LRIF1: variants seen among roughly 807,000 people sequenced by gnomAD.
LRIF1 encodes the protein ligand-dependent nuclear receptor-interacting factor 1.
A neutral mutation model predicts 52.7 loss-of-function variants in LRIF1; 32 were observed. That is an observed-to-expected ratio of 0.61 (90% CI 0.46 to 0.82). LRIF1 has a LOEUF of 0.82. Ranked by LOEUF, LRIF1 falls within the 40% of genes least tolerant of loss-of-function variation. LRIF1 has a pLI of 0.00. For synonymous variants in LRIF1, 323 were observed against 317.4 expected (o/e 1.02, Z -0.19); for missense variants, 887 against 892.0 (o/e 0.99, Z 0.07).
intron 3 of LRIF1, 28 bp downstream of exon 3, chr1:110,949,823 G>T: frequency 1.9e-6 from 3 of 1,600,336 alleles, no homozygotes; most frequent in Non-Finnish European, 2.6e-6. Flanking sequence ...TAGTACCTAT[G>T]AAGAGCACAT....
chr1:110,929,423 T>C, the LRIF1 span, among the ~76,000 whole-genome samples: 15 of 152,272 alleles, frequency 9.9e-5, no homozygotes, highest in African/African-American at 3.6e-4. Context: ...CTCACCAGCA[T>C]CTGTTATTTT....
the LRIF1 span, chr1:110,892,398 C>A: frequency 1.2e-6 from 2 of 1,614,022 alleles, no homozygotes; most frequent in South Asian, 2.2e-5. Flanking sequence ...TCCACAACAA[C>A]TTCGGAGTGC....
intron 3 of LRIF1, among the ~76,000 whole-genome samples, chr1:110,949,398 G>A (rs1052630574): frequency 1.5e-4 from 22 of 144,948 alleles, no homozygotes; most frequent in African/African-American, 5.4e-4. Flanking sequence ...GATTACAGGC[G>A]TGAGCCACTG....
rs1186677573 is a variant in LRIF1, at chr1:110,952,579, C to G, written c.305G>C (p.Ser102Thr). The part of the protein sequence containing the change: ...SVQLPIFQPA[S>T]SSNYFLTRTV... ...TCTTGTAAGAAAATAGTTTGAAGAA[C>G]TGGCTGGCTGAAAAATGGGCAATTG... Residue 102 changes from serine (S) to threonine (T), a missense_variant, in exon 2 of 4, where the codon AGT becomes ACT. Physicochemically the swap from Ser to Thr is moderately conservative, Grantham distance 58. Coordinates refer to ENST00000369763, the MANE Select transcript of LRIF1 (RefSeq NM_018372.4). 6.2e-7 allele frequency: 1 copy of G among 1,613,898 alleles called. No homozygotes were observed. Among genetic ancestry groups the G allele is most frequent in the Admixed American group, 1.7e-5 (1 of 60,022 alleles).
At position 110,950,068 on chromosome 1, in the gene LRIF1, T is replaced by C. The variant is rs773620219; in HGVS notation, c.1652A>G (p.Lys551Arg). ...SDKGAQGRND[K>R]KDSQGRSNKA... ...ATTACTTCTTCCTTGAGAATCTTTC[T>C]TGTCATTTCTTCCTTGGGCACCTTT... Residue 551 changes from lysine to arginine, a missense_variant, in exon 3 of 4, where the codon AAG becomes AGG. Physicochemically the swap from Lys to Arg is conservative, Grantham distance 26. Transcript: ENST00000369763. 1.2e-6 allele frequency: 2 copies of C among 1,614,036 alleles called. No individual in the cohort carries two copies. Among genetic ancestry groups the C allele is most frequent in the Non-Finnish European group, 1.7e-6 (2 of 1,180,010 alleles).
the LRIF1 span, among the ~76,000 whole-genome samples, chr1:110,882,181 A>AC: frequency 1.1e-3 from 170 of 152,212 alleles, 2 homozygotes; most frequent in East Asian, 1.7e-3. Context: ...TCTTTGCATA[A>AC]CCAAGGTTGC....
rs1490416038 is a variant in LRIF1 at position 110,948,056 on chromosome 1, T to C, written c.2213A>G (p.Glu738Gly). Reference sequence around the variant, plus strand: ...TCTTATTTTTTCATCTCGAATGGTTTCTTCTAACTCCGGTGGTGTCACTGG... The same window carrying C: ...TCTTATTTTTTCATCTCGAATGGTTCCTTCTAACTCCGGTGGTGTCACTGG... The part of the protein sequence containing the change: ...IFPVTPPELE[E>G]TIRDEKIRRL... Residue 738 changes from glutamate (E) to glycine (G), a missense_variant, in exon 4 of 4, where the codon GAA becomes GGA. Physicochemically the swap from Glu to Gly is moderately conservative, Grantham distance 98. Transcript: ENST00000369763. 6.2e-7 allele frequency: 1 copy of C among 1,613,838 alleles called. No homozygotes were observed. Among genetic ancestry groups the C allele is most frequent in the East Asian group, 2.2e-5 (1 of 44,882 alleles).
At chr1:110,917,648 G>GTT in the LRIF1 span, among the ~76,000 whole-genome samples, 1 of 32,206 alleles carries the variant, frequency 3.1e-5, no homozygotes, top group Non-Finnish European at 5.6e-5. Flanking sequence ...TTTTGTTTTT[G>GTT]TTTTTTTTTT....
intron 1 of LRIF1, among the ~76,000 whole-genome samples, chr1:110,953,898 T>C (rs906043403): frequency 3.3e-5 from 5 of 152,320 alleles, no homozygotes; most frequent in African/African-American, 1.2e-4. Flanking sequence ...CATAACATTA[T>C]GCTTGTTAGC....
At chr1:110,887,783 A>G in the LRIF1 span, among the ~76,000 whole-genome samples, 1 of 152,164 alleles carries the variant, frequency 6.6e-6, no homozygotes, top group Admixed American at 6.5e-5. Context: ...GATGGTACCT[A>G]TCCTTGGGCA....
At chr1:110,954,686 CAAGTGTCTGTTTT>C (rs935081232) in intron 1 of LRIF1, among the ~76,000 whole-genome samples, 1 of 151,976 alleles carries the variant, frequency 6.6e-6, no homozygotes. Context: ...AAAAATTTAC[CAAGTGTCTGTTTT>C]AAGTTAAGCA....
chr1:110,903,344 C>T, the LRIF1 span, among the ~76,000 whole-genome samples: 3 of 152,206 alleles, frequency 2.0e-5, no homozygotes, highest in Non-Finnish European at 4.4e-5. Flanking sequence ...GGCTGCACAG[C>T]TCACAGCTTC....
At chr1:110,960,707 A>ATAAT (rs1270807699) in intron 1 of LRIF1, among the ~76,000 whole-genome samples, 1 of 152,176 alleles carries the variant, frequency 6.6e-6, no homozygotes, top group Non-Finnish European at 1.5e-5. Flanking sequence ...AACTGGCATC[A>ATAAT]TAATTGATCC....
chr1:110,952,031 G>C lies in LRIF1; in HGVS notation c.853C>G (p.Gln285Glu), dbSNP rs199715134. ...AAAATCCATTTCACTGGAGCAGCTT[G>C]AGAATGCTGACCACCTTTCAATTGT... ...ETQLKGGQHS[Q>E]AAPVKWIFQD... is the part of the protein sequence containing the mutation. The change falls in exon 2 of 4, where the codon CAA becomes GAA. Residue 285 changes from glutamine (Q) to glutamate (E), a missense_variant. Transcript: ENST00000369763. 405 of 1,614,072 alleles carry C rather than the reference G, an allele frequency of 2.5e-4. 1 individual carries two copies. The highest frequency in any genetic ancestry group is 4.4e-5 in the Non-Finnish European group (52 of 1,180,024).
the LRIF1 span, chr1:110,892,736 C>T: frequency 1.9e-6 from 1 of 531,802 alleles, no homozygotes; most frequent in Non-Finnish European, 3.3e-6. Context: ...GAGGGCATTG[C>T]TATCCCCCTT....
chr1:110,954,274 T>C (rs1026830549), intron 1 of LRIF1, among the ~76,000 whole-genome samples: 1 of 152,086 alleles, frequency 6.6e-6, no homozygotes, highest in Non-Finnish European at 1.5e-5. Context: ...AAATATTACA[T>C]TGACATTTTG....
At chr1:110,947,074 T>G (rs1658228965), downstream of LRIF1, 1 of 152,536 alleles carries the variant, frequency 6.6e-6, no homozygotes, top group African/African-American at 2.4e-5. Context: ...CTCAGACTCC[T>G]GAGTAGCTGG....
rs752996621 is a variant in LRIF1, at chr1:110,950,133, G to A, written c.1597-10C>T. The A allele has an allele frequency of 1.2e-5, 19 of 1,595,466 alleles. No homozygotes were observed. The East Asian group carries it at 3.6e-4, about 30-fold the overall frequency. ...CCATCTCATTATGGATCTGGAATTA[G>A]GAAAAGAAAACACACAAACAATACT... On this transcript the variant is annotated splice_polypyrimidine_tract_variant and intron_variant, in intron 2 of 3. Transcript: ENST00000369763.
the LRIF1 span, among the ~76,000 whole-genome samples, chr1:110,931,991 G>C: frequency 6.6e-6 from 1 of 152,182 alleles, no homozygotes; most frequent in African/African-American, 2.4e-5. Context: ...GGTTTAATTA[G>C]ATCCCATTTG....
Sources: gnomAD v4.1 joint callset for allele counts (sites outside exome capture counted in the v4.1 genomes callset) on GRCh38, gnomAD v4.1.1 for gene constraint, MANE v1.5 for transcripts, NCBI Gene and HGNC (gene_info 2026-07-23, HGNC 2026-07-21) for gene names.